ARMC8: variants seen among roughly 807,000 people sequenced by gnomAD.
ARMC8 encodes the protein armadillo repeat containing 8.
ARMC8 carries 20 observed loss-of-function variants against 99.3 expected under a neutral mutation model. That is an observed-to-expected ratio of 0.20 (90% CI 0.14 to 0.29). The LOEUF (loss-of-function observed/expected upper bound fraction) is 0.29. Among genes scored for constraint, ARMC8 ranks in the 10% least tolerant of loss-of-function variants. The probability of loss-of-function intolerance (pLI) is 1.00; values close to 1 mark genes in which losing one functional copy is unlikely to be tolerated. For synonymous variants in ARMC8, 263 were observed against 278.3 expected (o/e 0.95, Z 0.55); for missense variants, 569 against 809.5 (o/e 0.70, Z 3.60).
At chr3:138,260,748 C>T (rs2047671366) in intron 12 of ARMC8, among the ~76,000 whole-genome samples, 2 of 152,138 alleles carry the variant, frequency 1.3e-5, no homozygotes, top group African/African-American at 4.8e-5. Flanking sequence ...AGCCAGGAAA[C>T]CTTATCTAGA....
intron 12 of ARMC8, among the ~76,000 whole-genome samples, chr3:138,249,534 C>T (rs2047032067): frequency 2.6e-5 from 4 of 151,886 alleles, no homozygotes; most frequent in Non-Finnish European, 4.4e-5. Flanking sequence ...ATCATTCACA[C>T]GTGTGAATCT....
chr3:138,251,979 T>C (rs996300531), intron 12 of ARMC8, among the ~76,000 whole-genome samples: 1 of 152,196 alleles, frequency 6.6e-6, no homozygotes, highest in African/African-American at 2.4e-5. Flanking sequence ...AAGAACATTC[T>C]TTCTGGAAAT....
rs1167308250 is a variant in ARMC8 at position 138,289,066 on chromosome 3, C to G, written c.1840C>G (p.Leu614Val). 3 of 1,612,864 alleles carry G rather than the reference C, an allele frequency of 1.9e-6. No homozygotes were observed. Among genetic ancestry groups the G allele is most frequent in the East Asian group, 2.2e-5 (1 of 44,866 alleles). Residue 614 changes from leucine to valine, a missense_variant, in exon 20 of 22, where the codon CTG (leucine) becomes GTG (valine). Physicochemically the swap from Leu to Val is conservative, Grantham distance 32 (BLOSUM62 1). This residue lies in a region of ARMC8 where 227 missense variants were observed against 417.9 expected (regional missense o/e 0.54). Coordinates refer to ENST00000469044, the MANE Select transcript of ARMC8 (RefSeq NM_001363941.2). ...TTAATAGGGCCATTCACATGTTAAA[C>G]TGCAGCTTGCAGCCATGTTTTGTAT... ...KYYMGHSHVK[L>V]QLAAMFCISN...
chr3:138,263,130 CTATT>C (rs1210252892), intron 12 of ARMC8, among the ~76,000 whole-genome samples: 7 of 152,220 alleles, frequency 4.6e-5, no homozygotes, highest in African/African-American at 1.7e-4. Flanking sequence ...CCTTCACACA[CTATT>C]TATTTTGTAT....
chr3:138,212,810 A>G (rs1395978669), intron 2 of ARMC8, among the ~76,000 whole-genome samples: 4 of 152,222 alleles, frequency 2.6e-5, no homozygotes, highest in Non-Finnish European at 5.9e-5. Context: ...AAGGTAGCCT[A>G]TTAATTTTAG....
chr3:138,241,407 G>T (rs113477340), intron 10 of ARMC8, among the ~76,000 whole-genome samples: 6 of 152,174 alleles, frequency 3.9e-5, no homozygotes, highest in Admixed American at 6.5e-5. Flanking sequence ...TGATTAAACT[G>T]CTGGGTCTTT....
At chr3:138,235,272 TAA>T (rs35705979) in intron 7 of ARMC8, among the ~76,000 whole-genome samples, 158 bp downstream of exon 7, 11 of 139,402 alleles carry the variant, frequency 7.9e-5, no homozygotes, top group Admixed American at 2.2e-4. Flanking sequence ...GAATGCTCTT[TAA>T]AAAAAAAAAA....
chr3:138,262,506 A>G (rs758589813), intron 12 of ARMC8: 3 of 1,596,288 alleles, frequency 1.9e-6, no homozygotes, highest in East Asian at 4.5e-5. Context: ...CCACTCTCTC[A>G]TGTTCTAAGG....
intron 18 of ARMC8, among the ~76,000 whole-genome samples, chr3:138,283,527 AGGGAGT>A (rs1421126392): frequency 2.0e-5 from 3 of 152,190 alleles, no homozygotes; most frequent in Non-Finnish European, 4.4e-5. Flanking sequence ...CTTCAAAGTC[AGGGAGT>A]GTGTTTTTTT....
At chr3:138,229,164 A>C (rs1382381666) in intron 6 of ARMC8, 154 bp downstream of exon 6, 1 of 78,714 alleles carries the variant, frequency 1.3e-5, no homozygotes, top group African/African-American at 5.7e-5. Context: ...ATATATATAT[A>C]TATATATATA....
At chr3:138,245,465 G>A in intron 12 of ARMC8, 1 of 1,336,786 alleles carries the variant, frequency 7.5e-7, no homozygotes, top group Non-Finnish European at 9.6e-7. Context: ...TTTTGCATGT[G>A]TTCTGATAAA....
Position 138,251,084 on chromosome 3 carries a change from G to A in ARMC8, c.1134+5901G>A, listed in dbSNP as rs183035967. 1.2e-4 allele frequency among the ~76,000 whole-genome samples: 19 copies of A among 152,020 alleles called. No homozygotes were observed. The East Asian group carries it at 3.5e-3, about 28-fold the overall frequency. On this transcript the variant is annotated intron_variant, in intron 12 of 21. Transcript: ENST00000469044. The stretch of plus-strand genomic sequence containing the variant: ...GAGGTTCACTTGAGCCCAGAAGGTC[G>A]AGGCTGCAGTGAGCCGTGATCACAC...
intron 1 of ARMC8, among the ~76,000 whole-genome samples, chr3:138,202,320 A>T (rs1210834787): frequency 6.6e-6 from 1 of 152,238 alleles, no homozygotes; most frequent in African/African-American, 2.4e-5. Context: ...GAATAAGTAG[A>T]TATGAAAATG....
intron 12 of ARMC8, among the ~76,000 whole-genome samples, chr3:138,255,413 A>G (rs1003609423): frequency 2.6e-5 from 4 of 151,970 alleles, no homozygotes; most frequent in Non-Finnish European, 5.9e-5. Context: ...TGTGTTAGTC[A>G]GGACAGTCTC....
intron 7 of ARMC8, among the ~76,000 whole-genome samples, chr3:138,235,930 C>T (rs1006035299): frequency 1.1e-4 from 17 of 151,728 alleles, no homozygotes; most frequent in Admixed American, 3.3e-4. Context: ...CTCAGCCTCC[C>T]GAGTAGCTGG....
At chr3:138,276,200 A>G (rs1279441454) in intron 18 of ARMC8, among the ~76,000 whole-genome samples, 2 of 152,228 alleles carry the variant, frequency 1.3e-5, no homozygotes, top group Non-Finnish European at 2.9e-5. Context: ...ATGGGAGGCT[A>G]AACAGTCGGC....
At chr3:138,233,686 A>C (rs1263135063) in intron 6 of ARMC8, among the ~76,000 whole-genome samples, 1 of 152,202 alleles carries the variant, frequency 6.6e-6, no homozygotes, top group African/African-American at 2.4e-5. Flanking sequence ...ACTTCAAATG[A>C]TGGGTGTTTT....
intron 1 of ARMC8, among the ~76,000 whole-genome samples, chr3:138,201,275 C>T (rs548690039): frequency 2.0e-5 from 3 of 150,522 alleles, no homozygotes; most frequent in Non-Finnish European, 4.4e-5. Context: ...TTTTCTTGAC[C>T]AACTCAGTTA....
At chr3:138,284,929 C>G (rs1156308323) in intron 19 of ARMC8, among the ~76,000 whole-genome samples, 1 of 152,236 alleles carries the variant, frequency 6.6e-6, no homozygotes, top group African/African-American at 2.4e-5. Context: ...AATCTGCTAC[C>G]TACTGCCATG....
Sources: gnomAD v4.1 joint callset for allele counts (sites outside exome capture counted in the v4.1 genomes callset) on GRCh38, gnomAD v4.1.1 for gene constraint, gnomAD v4.1.1 regional missense constraint, MANE v1.5 for transcripts, NCBI Gene and HGNC (gene_info 2026-07-23, HGNC 2026-07-21) for gene names.